The following KCNQ1 variants were observed in gnomAD, a reference collection of about 807,000 sequenced individuals.
The protein encoded by KCNQ1 is potassium voltage-gated channel subfamily Q member 1.
Under a neutral mutation model 72.4 loss-of-function variants are expected in KCNQ1, and 49 were observed. That is an observed-to-expected ratio of 0.68 (90% CI 0.54 to 0.86). KCNQ1 has a LOEUF of 0.86. Ranked by LOEUF, KCNQ1 falls within the 40% of genes least tolerant of loss-of-function variation. The pLI is 0.00. For synonymous variants in KCNQ1, 450 were observed against 412.6 expected (o/e 1.09, Z -1.10); for missense variants, 790 against 945.1 (o/e 0.84, Z 2.15).
At chr11:2,645,000 A>C in intron 10 of KCNQ1, 2 of 398,670 alleles carry the variant, frequency 5.0e-6, no homozygotes, top group Non-Finnish European at 4.4e-6. Context: ...TACCAGTGTT[A>C]GCAAGTCCAG....
rs190806863 is a variant in KCNQ1 at position 2,689,543 on chromosome 11, A to G, written c.1514+27462A>G. On this transcript the variant is annotated intron_variant, in intron 11 of 15. Coordinates refer to ENST00000155840, the MANE Select transcript of KCNQ1 (RefSeq NM_000218.3). ...CCCTGTCCCAGCATGAAGCTTGCACAGGAAGAACAGAATGAATGATGTGGA... is the reference window on the plus strand; with the variant it reads ...CCCTGTCCCAGCATGAAGCTTGCACGGGAAGAACAGAATGAATGATGTGGA... The G allele has an allele frequency of 1.0e-5, 4 of 398,694 alleles. No homozygotes were observed. In the East Asian group the frequency reaches 1.4e-4, roughly 14 times the overall value. 24.7% of individuals were successfully genotyped at this position (398,694 alleles called of 1,614,324 possible). A position where few individuals can be genotyped will look rare whatever the true frequency, so the allele number is the denominator to read the frequency against.
At chr11:2,460,934 G>A (rs983723160) in intron 1 of KCNQ1, among the ~76,000 whole-genome samples, 4 of 152,222 alleles carry the variant, frequency 2.6e-5, no homozygotes, top group African/African-American at 9.6e-5. Context: ...CTGCATGGGG[G>A]TGTGGCCTCC....
intron 1 of KCNQ1, among the ~76,000 whole-genome samples, chr11:2,489,798 G>A (rs954551636): frequency 3.9e-5 from 6 of 152,170 alleles, no homozygotes; most frequent in African/African-American, 1.4e-4. Flanking sequence ...TGCCTTGGAG[G>A]GAAGGACCTA....
At chr11:2,638,218 T>A (rs551888967) in intron 10 of KCNQ1, 1 of 152,188 alleles carries the variant, frequency 6.6e-6, no homozygotes, top group East Asian at 1.9e-4. Flanking sequence ...TGATCCATTA[T>A]GATGTTAGCT....
In KCNQ1 at chr11:2,677,770, C is replaced by T; in HGVS notation, c.1514+15689C>T. ...TTCAGTGGATTTACTTTAAGAGATC[C>T]TCCCTTTCCCCCCATTTCCAGCAGG... is the stretch of plus-strand genomic sequence containing the variant. On this transcript the variant is annotated intron_variant, in intron 11 of 15. Transcript: ENST00000155840. The surrounding 1 kb of genome is among the most constrained non-coding windows in gnomAD (Gnocchi z 4.5). 2.5e-6 allele frequency: 1 copy of T among 398,392 alleles called. No homozygotes were observed. The highest frequency in any genetic ancestry group is 3.6e-5 in the East Asian group (1 of 28,054). The allele number at this position is 398,392 out of a possible 1,614,324, so 24.7% of individuals were successfully genotyped here.
At chr11:2,591,683 C>T (rs1417457015) in intron 10 of KCNQ1, among the ~76,000 whole-genome samples, 1 of 152,252 alleles carries the variant, frequency 6.6e-6, no homozygotes, top group Non-Finnish European at 1.5e-5. Context: ...GTTATGAAGT[C>T]ATTAGTGCTG....
Position 2,445,173 on chromosome 11 carries a change from G to A in KCNQ1, c.75G>A (p.Arg25=). Residue 25 remains arginine, a synonymous_variant, in exon 1 of 16, where the codon CGG becomes CGA. Coordinates refer to ENST00000155840, the MANE Select transcript of KCNQ1 (RefSeq NM_000218.3). The part of the protein sequence containing the change: ...WGWGRLPGAR[R]GSAGLAKKCP... ...GGGGCCGCCTGCCAGGCGCCCGGCGGGGCAGCGCGGGCCTGGCCAAGAAGT... is the reference window on the plus strand; with the variant it reads ...GGGGCCGCCTGCCAGGCGCCCGGCGAGGCAGCGCGGGCCTGGCCAAGAAGT... 1.8e-6 allele frequency: 2 copies of A among 1,134,986 alleles called. No individual in the cohort carries two copies. The highest frequency in any genetic ancestry group is 3.1e-5 in the South Asian group (1 of 32,408). 70.3% of individuals were successfully genotyped at this position (1,134,986 alleles called of 1,614,324 possible).
intron 2 of KCNQ1, among the ~76,000 whole-genome samples, chr11:2,558,659 C>A (rs2283166): frequency 6.6e-6 from 1 of 152,168 alleles, no homozygotes; most frequent in South Asian, 2.1e-4. Flanking sequence ...GCTTGCGCAG[C>A]GAGCTGGGTC....
chr11:2,812,248 C>T (rs1402922195), intron 15 of KCNQ1, among the ~76,000 whole-genome samples: 6 of 152,190 alleles, frequency 3.9e-5, no homozygotes, highest in Non-Finnish European at 7.3e-5. Context: ...ACATGAAAAG[C>T]CTGAGTCCCT....
intron 6 of KCNQ1, among the ~76,000 whole-genome samples, chr11:2,580,270 G>A (rs1431736264): frequency 2.0e-5 from 3 of 151,862 alleles, no homozygotes; most frequent in Admixed American, 6.5e-5. Flanking sequence ...GGAGGCAGCC[G>A]TGCCCAGGCC....
At position 2,647,835 on chromosome 11, in the gene KCNQ1, A is replaced by C; in HGVS notation, c.1394-14126A>C. ...TTTGTATTTCTGTGGTGTCCATTGT[A>C]AGTCTCCTTTTTCATTTCTGATTTT... is the stretch of plus-strand genomic sequence containing the variant. On this transcript the variant is annotated intron_variant, in intron 10 of 15. Transcript: ENST00000155840. The surrounding 1 kb of genome is among the most constrained non-coding windows in gnomAD (Gnocchi z 4.0). The C allele has an allele frequency of 2.5e-6, 1 of 398,464 alleles. No individual in the cohort carries two copies. Among genetic ancestry groups the C allele is most frequent in the Non-Finnish European group, 4.4e-6 (1 of 226,040 alleles). The allele number at this position is 398,464 out of a possible 1,614,324, so 24.7% of individuals were successfully genotyped here. A position where few individuals can be genotyped will look rare whatever the true frequency, so the allele number is the denominator to read the frequency against.
At position 2,752,256 on chromosome 11, in the gene KCNQ1, T is replaced by A. The variant is rs939696335; in HGVS notation, c.1515-16588T>A. Among the ~76,000 whole-genome samples the A allele has an allele frequency of 1.3e-5, 2 of 151,594 alleles. No homozygotes were observed. Among genetic ancestry groups the A allele is most frequent in the Middle Eastern group, 3.2e-3 (1 of 316 alleles). On this transcript the variant is annotated intron_variant, in intron 11 of 15. Transcript: ENST00000155840. This position sits in a 1 kb window ranked among gnomAD's most constrained non-coding sequence, Gnocchi z 5.2. ...CACAGGTGATCTGAACCCAGCTGAG[T>A]GGCTTCCATGGAGCTGATCTGAACC...
At chr11:2,472,633 G>A (rs1424603728) in intron 1 of KCNQ1, among the ~76,000 whole-genome samples, 6 of 140,082 alleles carry the variant, frequency 4.3e-5, no homozygotes, top group Non-Finnish European at 8.0e-5. Context: ...GGCTTTCTGA[G>A]TCACTGGCTG....
At chr11:2,798,105 A>G (rs1191274020) in intron 15 of KCNQ1, among the ~76,000 whole-genome samples, 1 of 152,162 alleles carries the variant, frequency 6.6e-6, no homozygotes, top group African/African-American at 2.4e-5. Flanking sequence ...CCCTGAGAGC[A>G]GCCCCTTTTC....
rs183984214 is a variant in KCNQ1 at position 2,816,500 on chromosome 11, G to A, written c.1795-31267G>A. Among the ~76,000 whole-genome samples the A allele has an allele frequency of 3.5e-3, 534 of 152,234 alleles. 2 individuals carry two copies. Among genetic ancestry groups the A allele is most frequent in the African/African-American group, 0.011 (457 of 41,542 alleles). On this transcript the variant is annotated intron_variant, in intron 15 of 15. Transcript: ENST00000155840. This position sits in a 1 kb window ranked among gnomAD's most constrained non-coding sequence, Gnocchi z 6.8. ...AATGGCTTCTGGGTTGTGCGTCATCGCTGTCCAGGAGTGGTGAAAAGCTGG... is the reference window on the plus strand; with the variant it reads ...AATGGCTTCTGGGTTGTGCGTCATCACTGTCCAGGAGTGGTGAAAAGCTGG...
chr11:2,605,619 C>T (rs1466740915), intron 10 of KCNQ1, among the ~76,000 whole-genome samples: 4 of 152,202 alleles, frequency 2.6e-5, no homozygotes, highest in African/African-American at 4.8e-5. Context: ...CGTTTTTACA[C>T]TCTGATTCTA....
Position 2,491,353 on chromosome 11 carries a change from C to T in KCNQ1, c.387-36575C>T, listed in dbSNP as rs547546415. ...AAAACTCAAATTCAAGATAACACAG[C>T]GAAGGAATTCAGAATTCTATCAGAT... is the stretch of plus-strand genomic sequence containing the variant. On this transcript the variant is annotated intron_variant, in intron 1 of 15. Coordinates refer to ENST00000155840, the MANE Select transcript of KCNQ1 (RefSeq NM_000218.3). This position sits in a 1 kb window ranked among gnomAD's most constrained non-coding sequence, Gnocchi z 4.1. Among the ~76,000 whole-genome samples, 41 of 152,042 alleles carry T rather than the reference C, an allele frequency of 2.7e-4. No individual in the cohort carries two copies. The South Asian group carries it at 4.6e-3, about 17-fold the overall frequency.
At position 2,587,690 on chromosome 11, in the gene KCNQ1, G is replaced by T; in HGVS notation, c.1249G>T (p.Val417Leu). ...SPSPKPKKSV[V>L]VKKKKFKLDK... ...CAGCCCCAAACCCAAGAAGTCTGTG[G>T]TGGTGAGTAGCCCACCTGCCACCAG... The change falls in exon 9 of 16, where the codon GTG (valine) becomes TTG (leucine). Residue 417 changes from valine to leucine, a missense_variant and splice_region_variant. Val to Leu is a conservative substitution (Grantham distance 32). Around this residue, in one of 5 missense-constraint regions of KCNQ1, gnomAD observed 178 missense variants for 177.9 expected, o/e 1.00. Transcript: ENST00000155840. 6.2e-7 allele frequency: 1 copy of T among 1,613,688 alleles called. No homozygotes were observed. Among genetic ancestry groups the T allele is most frequent in the Non-Finnish European group, 8.5e-7 (1 of 1,179,980 alleles).
At chr11:2,701,258 G>T (rs1850809073) in intron 11 of KCNQ1, among the ~76,000 whole-genome samples, 1 of 152,184 alleles carries the variant, frequency 6.6e-6, no homozygotes, top group South Asian at 2.1e-4. Flanking sequence ...AAGAGAAAAT[G>T]GTGTCATTTT....
Sources: allele counts gnomAD v4.1 joint callset (sites outside exome capture counted in the v4.1 genomes callset), GRCh38; gene constraint gnomAD v4.1.1; regional missense constraint gnomAD v4.1.1; non-coding constraint Gnocchi (gnomAD v3.1); transcripts MANE v1.5; gene names NCBI Gene and HGNC (gene_info 2026-07-23, HGNC 2026-07-21).